SNX13: variants seen among roughly 807,000 people sequenced by gnomAD.
SNX13 encodes the protein sorting nexin-13.
SNX13 carries 45 observed loss-of-function variants against 133.6 expected under a neutral mutation model. The ratio of observed to expected loss-of-function variants is 0.34; its 90% CI spans 0.27 to 0.43. SNX13 has a LOEUF of 0.43. Ranked by LOEUF, SNX13 falls within the 20% of genes least tolerant of loss-of-function variation. The pLI, the probability that SNX13 is intolerant of heterozygous loss-of-function variation, is 1.00. For synonymous variants in SNX13, 414 were observed against 373.9 expected, an observed-to-expected ratio of 1.11 and a Z score of -1.24; for missense variants, 1,032 against 1,145.1, an observed-to-expected ratio of 0.90 and a Z score of 1.43.
intron 25 of SNX13, 200 bp downstream of exon 25, chr7:17,796,627 T>A: frequency 4.0e-6 from 2 of 502,696 alleles, no homozygotes. Context: ...AGCGGTGATG[T>A]TAACAGTCCT....
chr7:17,909,158 A>G (rs1307713253), intron 1 of SNX13, among the ~76,000 whole-genome samples: 1 of 152,148 alleles, frequency 6.6e-6, no homozygotes, highest in Non-Finnish European at 1.5e-5. Flanking sequence ...ATGAGATACC[A>G]TCTCACGCCA....
chr7:17,906,078 AAG>A (rs1349912883), intron 1 of SNX13, among the ~76,000 whole-genome samples: 1 of 152,232 alleles, frequency 6.6e-6, no homozygotes, highest in African/African-American at 2.4e-5. Context: ...TGCACTATTC[AAG>A]AGTTTCCAAA....
chr7:17,838,414 T>A (rs1789410737), intron 13 of SNX13, among the ~76,000 whole-genome samples: 1 of 151,940 alleles, frequency 6.6e-6, no homozygotes, highest in Non-Finnish European at 1.5e-5. Flanking sequence ...ATATTGTTGA[T>A]ATTTTCAGAG....
chr7:17,918,803 A>C (rs1417580638), intron 1 of SNX13, among the ~76,000 whole-genome samples: 2 of 152,230 alleles, frequency 1.3e-5, no homozygotes, highest in African/African-American at 2.4e-5. Context: ...ATCTGCACTC[A>C]TATGTTTATC....
intron 12 of SNX13, among the ~76,000 whole-genome samples, chr7:17,844,744 T>C (rs1235278875): frequency 7.4e-6 from 1 of 134,400 alleles, no homozygotes; most frequent in African/African-American, 2.8e-5. Context: ...TGGTTGAACA[T>C]ACAAAAAAAA....
chr7:17,794,493 A>T (rs1201044493), intron 25 of SNX13: 1 of 586,504 alleles, frequency 1.7e-6, no homozygotes, highest in Non-Finnish European at 2.9e-6. Flanking sequence ...TTAATGCAAA[A>T]GCTACTGGGA....
chr7:17,834,544 A>T (rs2128311876), intron 14 of SNX13, among the ~76,000 whole-genome samples: 1 of 151,970 alleles, frequency 6.6e-6, no homozygotes. Flanking sequence ...CTACAATCAA[A>T]TTCAAATAAA....
intron 20 of SNX13, among the ~76,000 whole-genome samples, chr7:17,812,413 C>T (rs1786155652): frequency 6.6e-6 from 1 of 152,180 alleles, no homozygotes. Flanking sequence ...CATCACTGGT[C>T]ATTAGAGAAA....
intron 5 of SNX13, among the ~76,000 whole-genome samples, chr7:17,884,575 T>C (rs1352604097): frequency 6.6e-6 from 1 of 152,198 alleles, no homozygotes; most frequent in Admixed American, 6.5e-5. Flanking sequence ...ACCCAATAAA[T>C]TATTGTTAAT....
chr7:17,870,522 T>C (rs962589497), intron 8 of SNX13, among the ~76,000 whole-genome samples: 1 of 152,190 alleles, frequency 6.6e-6, no homozygotes, highest in Non-Finnish European at 1.5e-5. Context: ...TTTAAAAAAA[T>C]GTGCTCATTA....
chr7:17,870,038 T>A (rs568173005), intron 8 of SNX13, among the ~76,000 whole-genome samples: 87 of 152,196 alleles, frequency 5.7e-4, no homozygotes, highest in African/African-American at 2.0e-3. Context: ...ATTAAAGGGT[T>A]TGGTTAGTCA....
At chr7:17,927,111 A>C (rs964864142) in intron 1 of SNX13, among the ~76,000 whole-genome samples, 1 of 151,778 alleles carries the variant, frequency 6.6e-6, no homozygotes, top group African/African-American at 2.4e-5. Flanking sequence ...AAACAAGATT[A>C]AAAAATATAA....
intron 13 of SNX13, 57 bp downstream of exon 13, chr7:17,839,750 C>G: frequency 6.9e-7 from 1 of 1,440,606 alleles, no homozygotes; most frequent in East Asian, 2.4e-5. Context: ...CAATGGATTA[C>G]AAAAATTATT....
rs566030192 is a variant in SNX13 at position 17,818,149 on chromosome 7, C to T, written c.1846-1860G>A. 5.3e-5 allele frequency among the ~76,000 whole-genome samples: 8 copies of T among 152,182 alleles called. 1 individual carries two copies. Among genetic ancestry groups the T allele is most frequent in the East Asian group, 1.9e-4 (1 of 5,174 alleles). ...CTACAAGCCAAGAAGCGAGGCCTCA[C>T]GACAAACCAAACTTGTCAATACCTT... On this transcript the variant is annotated intron_variant, in intron 18 of 25. Transcript: ENST00000428135.
At chr7:17,803,880 T>TAA (rs757897385) in intron 20 of SNX13, among the ~76,000 whole-genome samples, 1,531 of 77,670 alleles carry the variant, frequency 0.02, 51 homozygotes, top group African/African-American at 0.065. Flanking sequence ...ACCCCATCTC[T>TAA]AAAAAAAAAA....
intron 1 of SNX13, among the ~76,000 whole-genome samples, chr7:17,923,281 C>A (rs1800333129): frequency 6.6e-6 from 1 of 152,184 alleles, no homozygotes; most frequent in African/African-American, 2.4e-5. Flanking sequence ...TACACAGGAT[C>A]TTTAAAACAG....
chr7:17,921,211 A>G (rs905141589), intron 1 of SNX13, among the ~76,000 whole-genome samples: 1 of 152,176 alleles, frequency 6.6e-6, no homozygotes, highest in Non-Finnish European at 1.5e-5. Context: ...TGTTTACCCA[A>G]TTCCCAATTA....
intron 18 of SNX13, 86 bp downstream of exon 18, chr7:17,821,423 T>A (rs1037597001): frequency 7.9e-7 from 1 of 1,269,070 alleles, no homozygotes; most frequent in Non-Finnish European, 1.1e-6. Flanking sequence ...TTTTAATTAA[T>A]CACTCTATCT....
At chr7:17,818,256 G>A (rs1786895059) in intron 18 of SNX13, among the ~76,000 whole-genome samples, 1 of 151,942 alleles carries the variant, frequency 6.6e-6, no homozygotes. Context: ...ATTTTATTAG[G>A]GCAGCCCTAC....
Sources: gnomAD v4.1 joint callset for allele counts (sites outside exome capture counted in the v4.1 genomes callset) on GRCh38, gnomAD v4.1.1 for gene constraint, MANE v1.5 for transcripts, NCBI Gene and HGNC (gene_info 2026-07-23, HGNC 2026-07-21) for gene names.